CYP4F12: variants seen among roughly 807,000 people sequenced by gnomAD.
CYP4F12 encodes the protein cytochrome P450 family 4 subfamily F member 12.
In CYP4F12, 60 loss-of-function variants were observed where a neutral mutation model predicts 56.5. That is an observed-to-expected ratio of 1.06 (90% CI 0.86 to 1.32). CYP4F12 has a LOEUF of 1.32. Ranked by LOEUF, CYP4F12 falls within the 40% of genes most tolerant of loss-of-function variation. The pLI is 0.00. For synonymous variants in CYP4F12, 263 were observed against 264.9 expected (o/e 0.99, Z 0.07); for missense variants, 711 against 683.5 (o/e 1.04, Z -0.45).
chr19:15,678,944 C>T (rs114122274), intron 3 of CYP4F12, among the ~76,000 whole-genome samples: 3,738 of 152,134 alleles, frequency 0.025, 17 homozygotes, highest in African/African-American at 0.086. Flanking sequence ...TGACATCCAC[C>T]TATGATGGGT....
In CYP4F12 at chr19:15,685,051, AC is replaced by A. The variant is rs754111058; in HGVS notation, c.986-15del. 1 of 1,609,864 alleles carries A rather than the reference AC, an allele frequency of 6.2e-7. No individual in the cohort carries two copies. Among genetic ancestry groups the A allele is most frequent in the Non-Finnish European group, 8.5e-7 (1 of 1,177,350 alleles). On this transcript the variant is annotated splice_polypyrimidine_tract_variant and intron_variant, in intron 8 of 12. Coordinates refer to ENST00000550308, the MANE Select transcript of CYP4F12 (RefSeq NM_023944.4). ...ACCCTCCGGTGCTGAAGCCAAGCTT[AC>A]CTGGCTGCTCCTCAGGCCATGACAC...
chr19:15,673,440 C>G, intron 1 of CYP4F12, 89 bp from the exon 2 acceptor site: 1 of 1,432,102 alleles, frequency 7.0e-7, no homozygotes, highest in Non-Finnish European at 9.6e-7. Context: ...GCCCTGCCCC[C>G]AGCAGTTCCT....
intron 9 of CYP4F12, 23 bp from the exon 10 acceptor site, chr19:15,695,913 C>T (rs1031674225): frequency 6.3e-7 from 1 of 1,595,818 alleles, no homozygotes. Context: ...TTGATAATGA[C>T]TGGGGCTGGG....
chr19:15,695,971 G>T lies in CYP4F12; in HGVS notation c.1151G>T (p.Cys384Phe), dbSNP rs369542751. The T allele has an allele frequency of 9.3e-6, 15 of 1,613,800 alleles. No homozygotes were observed. The highest frequency in any genetic ancestry group is 1.3e-5 in the Non-Finnish European group (15 of 1,179,956). The change falls in exon 10 of 13, where the codon TGC (cysteine) becomes TTC (phenylalanine). Residue 384 changes from cysteine (C) to phenylalanine (F), a missense_variant. Transcript: ENST00000550308. Reference sequence around the variant, plus strand: ...GCCCAGCTGCCCTTCCTGACCATGTGCGTGAAGGAGAGCCTGAGGTTACAT... The same window carrying T: ...GCCCAGCTGCCCTTCCTGACCATGTTCGTGAAGGAGAGCCTGAGGTTACAT... ...DLAQLPFLTM[C>F]VKESLRLHPP...
Position 15,697,122 on chromosome 19 carries a change from C to G in CYP4F12, c.*37C>G. 1 of 1,592,660 alleles carries G rather than the reference C, an allele frequency of 6.3e-7. No individual in the cohort carries two copies. Among genetic ancestry groups the G allele is most frequent in the South Asian group, 1.1e-5 (1 of 88,816 alleles). On this transcript the variant is annotated 3_prime_UTR_variant, in exon 13 of 13. Transcript: ENST00000550308. The stretch of plus-strand genomic sequence containing the variant: ...ATCCACCTGTTTTTTTGCAGATTGT[C>G]ATGAATAAAACGGTGCTGTCACCTC...
At chr19:15,676,454 C>A (rs1466713465) in intron 2 of CYP4F12, among the ~76,000 whole-genome samples, 6 of 19,368 alleles carry the variant, frequency 3.1e-4, no homozygotes, top group Non-Finnish European at 5.4e-4. Context: ...TTCCTCTCCT[C>A]ATTCAGTCAT....
intron 1 of CYP4F12, 135 bp downstream of exon 1, chr19:15,673,270 C>T (rs1345331317): frequency 3.3e-6 from 2 of 599,468 alleles, no homozygotes; most frequent in Non-Finnish European, 6.1e-6. Context: ...TAGCAAACTC[C>T]CAAGGATTCA....
Position 15,697,126 on chromosome 19 carries a change from A to C in CYP4F12, c.*41A>C, listed in dbSNP as rs781261940. On this transcript the variant is annotated 3_prime_UTR_variant, in exon 13 of 13. Transcript: ENST00000550308. ...ACCTGTTTTTTTGCAGATTGTCATGAATAAAACGGTGCTGTCACCTCTGCC... is the reference window on the plus strand; with the variant it reads ...ACCTGTTTTTTTGCAGATTGTCATGCATAAAACGGTGCTGTCACCTCTGCC... 1 of 1,587,002 alleles carries C rather than the reference A, an allele frequency of 6.3e-7. No individual in the cohort carries two copies. Among genetic ancestry groups the C allele is most frequent in the Non-Finnish European group, 8.6e-7 (1 of 1,161,758 alleles).
At chr19:15,687,772 A>G (rs1429829812) in intron 9 of CYP4F12, among the ~76,000 whole-genome samples, 1 of 152,198 alleles carries the variant, frequency 6.6e-6, no homozygotes, top group Non-Finnish European at 1.5e-5. Context: ...GAGTGGTAAG[A>G]AATATAAAAG....
chr19:15,687,656 A>T (rs1295198504), intron 9 of CYP4F12, among the ~76,000 whole-genome samples: 1 of 142,750 alleles, frequency 7.0e-6, no homozygotes, highest in Non-Finnish European at 1.5e-5. Flanking sequence ...CCTCAGAGTA[A>T]GAGGGGGAGA....
chr19:15,697,001 G>A lies in CYP4F12; in HGVS notation c.1491G>A (p.Glu497=). ...LHFRFLPDHT[E]PRRKLELIMR... ...TCCGGTTCCTGCCAGACCACACTGA[G>A]CCCCGCAGGAAGCTGGAATTGATCA... The change falls in exon 13 of 13, where the codon GAG becomes GAA. Residue 497 remains glutamate, a synonymous_variant. Transcript: ENST00000550308. The A allele has an allele frequency of 6.2e-7, 1 of 1,614,242 alleles. No homozygotes were observed. Among genetic ancestry groups the A allele is most frequent in the Non-Finnish European group, 8.5e-7 (1 of 1,180,026 alleles).
chr19:15,694,347 C>T (rs1431303681), intron 9 of CYP4F12, among the ~76,000 whole-genome samples: 11 of 152,120 alleles, frequency 7.2e-5, no homozygotes, highest in Non-Finnish European at 1.5e-4. Context: ...CCTTTCTTTG[C>T]ACCCTCTTTT....
intron 9 of CYP4F12, among the ~76,000 whole-genome samples, chr19:15,694,176 C>T (rs7253015): frequency 0.28 from 40,871 of 146,896 alleles, 6,192 homozygotes; most frequent in African/African-American, 0.39. Context: ...ATGCGGGCTC[C>T]TTTTTGGTGC....
In CYP4F12 at chr19:15,677,678, T is replaced by G. The variant is rs2007036786; in HGVS notation, c.199-583T>G. Reference sequence around the variant, plus strand: ...CTCACTCACTCATTCCTCTCCTCACTCACTCATTCCTCTCCTCCCTCACTT... The same window carrying G: ...CTCACTCACTCATTCCTCTCCTCACGCACTCATTCCTCTCCTCCCTCACTT... On this transcript the variant is annotated intron_variant, in intron 2 of 12. Transcript: ENST00000550308. Among the ~76,000 whole-genome samples the G allele has an allele frequency of 2.2e-5, 3 of 135,308 alleles. 1 individual carries two copies. The highest frequency in any genetic ancestry group is 8.4e-5 in the African/African-American group (3 of 35,912). 88.8% of individuals were successfully genotyped at this position (135,308 alleles called of 152,430 possible). A position where few individuals can be genotyped will look rare whatever the true frequency, so the allele number is the denominator to read the frequency against.
chr19:15,676,213 G>A (rs2144705943), intron 2 of CYP4F12, among the ~76,000 whole-genome samples: 1 of 152,234 alleles, frequency 6.6e-6, no homozygotes, highest in South Asian at 2.1e-4. Context: ...TCCAGTAGGG[G>A]TTCAGGGAGC....
Position 15,683,145 on chromosome 19 carries a change from C to T in CYP4F12, c.648-348C>T, listed in dbSNP as rs150624050. Among the ~76,000 whole-genome samples, 334 of 151,960 alleles carry T rather than the reference C, an allele frequency of 2.2e-3. 1 individual carries two copies. Among genetic ancestry groups the T allele is most frequent in the African/African-American group, 7.6e-3 (316 of 41,416 alleles). ...GAGTTGGTTATGCTGGGGGCTGGAG[C>T]AGGGCTGAACTGGAAGAGGATGAAG... On this transcript the variant is annotated intron_variant, in intron 6 of 12. Transcript: ENST00000550308.
At chr19:15,690,056 A>G (rs562262332) in intron 9 of CYP4F12, among the ~76,000 whole-genome samples, 49 of 152,328 alleles carry the variant, frequency 3.2e-4, no homozygotes, top group Non-Finnish European at 6.0e-4. Context: ...CCACTATAGA[A>G]ATCATCCATG....
At position 15,697,097 on chromosome 19, in the gene CYP4F12, A is replaced by T; in HGVS notation, c.*12A>T. ...TAAGCTTGCAGTGACTTTCTGACCC[A>T]TCCACCTGTTTTTTTGCAGATTGTC... On this transcript the variant is annotated 3_prime_UTR_variant, in exon 13 of 13. Transcript: ENST00000550308. 1.9e-6 allele frequency: 3 copies of T among 1,603,836 alleles called. No homozygotes were observed. Among genetic ancestry groups the T allele is most frequent in the Non-Finnish European group, 1.7e-6 (2 of 1,172,280 alleles).
At chr19:15,695,261 C>A (rs1427486950) in intron 9 of CYP4F12, among the ~76,000 whole-genome samples, 8 of 148,068 alleles carry the variant, frequency 5.4e-5, no homozygotes, top group Non-Finnish European at 1.0e-4. Flanking sequence ...GACAAAAAAA[C>A]CAAACACCGC....
Sources: gnomAD v4.1 joint callset for allele counts (sites outside exome capture counted in the v4.1 genomes callset) on GRCh38, gnomAD v4.1.1 for gene constraint, MANE v1.5 for transcripts, NCBI Gene and HGNC (gene_info 2026-07-23, HGNC 2026-07-21) for gene names.